MLIP: variants seen among roughly 807,000 people sequenced by gnomAD.
MLIP encodes muscular LMNA interacting protein.
Under a neutral mutation model 84.8 loss-of-function variants are expected in MLIP, and 79 were observed. That is an observed-to-expected ratio of 0.93 (90% CI 0.78 to 1.12). The LOEUF is 1.12. Among genes scored for constraint, MLIP ranks in the 50% most tolerant of loss-of-function variants. MLIP has a pLI of 0.00. For missense variants in MLIP, 1,257 were observed against 1,160.6 expected (o/e 1.08, Z -1.21); for synonymous variants, 504 against 463.0 (o/e 1.09, Z -1.14).
chr6:54,234,532 T>A (rs1243991099), intron 12 of MLIP, among the ~76,000 whole-genome samples: 1 of 152,148 alleles, frequency 6.6e-6, no homozygotes, highest in Non-Finnish European at 1.5e-5. Context: ...TCCTTTTCCT[T>A]GATGATGCTG....
intron 12 of MLIP, among the ~76,000 whole-genome samples, chr6:54,247,652 G>A (rs1271084842): frequency 6.6e-6 from 1 of 152,158 alleles, no homozygotes; most frequent in Non-Finnish European, 1.5e-5. Flanking sequence ...GGGAATGGAG[G>A]AATGTGGCCC....
rs60841578 is a variant in MLIP, at chr6:54,229,289, TA to T, written c.2719-1418del. Among the ~76,000 whole-genome samples, 982 of 152,270 alleles carry T rather than the reference TA, an allele frequency of 6.4e-3. 12 individuals are homozygous for T. Among genetic ancestry groups the T allele is most frequent in the African/African-American group, 0.021 (882 of 41,576 alleles). On this transcript the variant is annotated intron_variant, in intron 11 of 13. Transcript: ENST00000502396. ...ACAGAAAAATTCCAAAATTGTCAAA[TA>T]AAAAAATCAAACAAGACACAGAACA...
chr6:54,216,961 A>G, intron 11 of MLIP: 1 of 985,390 alleles, frequency 1.0e-6, no homozygotes, highest in Non-Finnish European at 1.2e-6. Context: ...TTTATTAGCA[A>G]GGTGTTGATT....
chr6:54,114,802 C>T lies in MLIP; in HGVS notation c.96+3227C>T, dbSNP rs181558114. Among the ~76,000 whole-genome samples, 42 of 152,150 alleles carry T rather than the reference C, an allele frequency of 2.8e-4. 1 individual carries two copies. Among genetic ancestry groups the T allele is most frequent in the African/African-American group, 9.2e-4 (38 of 41,498 alleles). ...GCATTTAGTAGGCATTTAATAATAC[C>T]TCATTGAATAAATGAAAGTAAGTAG... On this transcript the variant is annotated intron_variant, in intron 1 of 13. Transcript: ENST00000502396.
intron 11 of MLIP, among the ~76,000 whole-genome samples, chr6:54,227,201 C>G (rs1780635655): frequency 6.6e-6 from 1 of 152,186 alleles, no homozygotes; most frequent in African/African-American, 2.4e-5. Flanking sequence ...CCTGAGACCT[C>G]CCACCCATGC....
upstream of MLIP, among the ~76,000 whole-genome samples, chr6:54,107,661 G>A (rs949280299): frequency 3.3e-5 from 5 of 152,326 alleles, no homozygotes; most frequent in African/African-American, 7.2e-5. Context: ...TGTTCAGCAC[G>A]TGACTTGTCA....
In MLIP at chr6:54,202,929, G is replaced by C. The variant is rs185409801; in HGVS notation, c.2718+696G>C. Among the ~76,000 whole-genome samples the C allele has an allele frequency of 2.2e-4, 34 of 152,158 alleles. No homozygotes were observed. In the East Asian group the frequency reaches 5.8e-3, roughly 26 times the overall value. On this transcript the variant is annotated intron_variant, in intron 11 of 13. Transcript: ENST00000502396. ...ATAAAATAAAATCTTGCCTCCTTTT[G>C]AAGAGATGGAATATTTTAGATTTGG...
rs144112140 is a variant in MLIP, at chr6:54,127,358, A to T, written c.645+2493A>T. 3.5e-3 allele frequency among the ~76,000 whole-genome samples: 538 copies of T among 152,266 alleles called. 2 individuals are homozygous for T. The highest frequency in any genetic ancestry group is 0.012 in the African/African-American group (507 of 41,576). On this transcript the variant is annotated intron_variant, in intron 3 of 13. Coordinates refer to ENST00000502396, the MANE Select transcript of MLIP (RefSeq NM_001281747.2). Reference sequence around the variant, plus strand: ...TTAATTTCTGTATCCCTAGCACTTAATGCAGTGCCTTACATATAAAGGGGG... The same window carrying T: ...TTAATTTCTGTATCCCTAGCACTTATTGCAGTGCCTTACATATAAAGGGGG...
Position 54,084,666 on chromosome 6 carries a change from T to G in MLIP, c.64-36781T>G, listed in dbSNP as rs1264271422. Among the ~76,000 whole-genome samples, 3 of 152,212 alleles carry G rather than the reference T, an allele frequency of 2.0e-5. No individual in the cohort carries two copies. In the South Asian group the frequency reaches 6.2e-4, roughly 32 times the overall value. On this transcript the variant is annotated intron_variant, in intron 1 of 12. Transcript: ENST00000274897. ...GCAAATTCAGGAATTATTTTTTTCT[T>G]TTTGAATTCCTCAAATAGGGAAGAT...
At chr6:54,053,138 G>C (rs1765467734) in intron 1 of MLIP, among the ~76,000 whole-genome samples, 1 of 152,186 alleles carries the variant, frequency 6.6e-6, no homozygotes, top group African/African-American at 2.4e-5. Flanking sequence ...CACAGAACTA[G>C]AAAATGGCAA....
chr6:54,061,953 T>C (rs1365486262), intron 1 of MLIP, among the ~76,000 whole-genome samples: 1 of 152,230 alleles, frequency 6.6e-6, no homozygotes, highest in Non-Finnish European at 1.5e-5. Flanking sequence ...TTTAAACCAT[T>C]GCCCTTTAAA....
Position 54,266,036 on chromosome 6 carries a change from T to A in MLIP, c.*81T>A. 6.8e-7 allele frequency: 1 copy of A among 1,478,662 alleles called. No individual in the cohort carries two copies. Among genetic ancestry groups the A allele is most frequent in the South Asian group, 1.2e-5 (1 of 82,862 alleles). 91.6% of individuals were successfully genotyped at this position (1,478,662 alleles called of 1,614,324 possible). On this transcript the variant is annotated 3_prime_UTR_variant, in exon 14 of 14. Coordinates refer to ENST00000502396, the MANE Select transcript of MLIP (RefSeq NM_001281747.2). The stretch of plus-strand genomic sequence containing the variant: ...TAACCACTTGCTAGATTTAACTTTT[T>A]TTTTTTTTTCCAGAATGAGTGCTCC...
At chr6:54,246,446 T>C (rs1485638137) in intron 12 of MLIP, among the ~76,000 whole-genome samples, 1 of 152,144 alleles carries the variant, frequency 6.6e-6, no homozygotes, top group Non-Finnish European at 1.5e-5. Flanking sequence ...ATAAAATTAC[T>C]ATTTTTAGTT....
At chr6:54,239,331 T>C (rs1250929559) in intron 12 of MLIP, among the ~76,000 whole-genome samples, 1 of 146,400 alleles carries the variant, frequency 6.8e-6, no homozygotes, top group Admixed American at 6.8e-5. Flanking sequence ...TGATCATGTG[T>C]TCTGATCAGT....
At chr6:54,261,931 T>C (rs760992701) in intron 13 of MLIP, among the ~76,000 whole-genome samples, 8 of 152,030 alleles carry the variant, frequency 5.3e-5, no homozygotes, top group Non-Finnish European at 1.5e-5. Context: ...CTGGATATTA[T>C]TACCTGTTGA....
intron 1 of MLIP, among the ~76,000 whole-genome samples, chr6:54,051,876 G>A (rs1341630154): frequency 2.0e-5 from 3 of 152,072 alleles, no homozygotes; most frequent in Non-Finnish European, 2.9e-5. Flanking sequence ...GTTTCCTTTT[G>A]TTGTTTGCTG....
intron 11 of MLIP, among the ~76,000 whole-genome samples, chr6:54,202,541 A>T (rs1473931374): frequency 6.6e-6 from 1 of 151,800 alleles, no homozygotes. Flanking sequence ...CTCTCTATAA[A>T]GACATCACAA....
intron 11 of MLIP, among the ~76,000 whole-genome samples, chr6:54,223,193 T>C (rs1447202644): frequency 6.6e-6 from 1 of 152,040 alleles, no homozygotes. Context: ...AGGTTGCCTT[T>C]TCACACTGTT....
chr6:54,092,862 G>T (rs542374315), intron 1 of MLIP, among the ~76,000 whole-genome samples: 11 of 151,956 alleles, frequency 7.2e-5, no homozygotes, highest in Non-Finnish European at 1.5e-4. Flanking sequence ...GGGCTGCAGA[G>T]TTATTGAATC....
Sources: gnomAD v4.1 joint callset for allele counts (sites outside exome capture counted in the v4.1 genomes callset) on GRCh38, gnomAD v4.1.1 for gene constraint, MANE v1.5 for transcripts, NCBI Gene and HGNC (gene_info 2026-07-23, HGNC 2026-07-21) for gene names.